The following TLK2 variants were observed in gnomAD, a reference collection of about 807,000 sequenced individuals.
TLK2 encodes the protein serine/threonine-protein kinase tousled-like 2.
Under a neutral mutation model 117.3 loss-of-function variants are expected in TLK2, and 6 were observed. The observed-to-expected ratio is 0.05, with a 90% CI of 0.03 to 0.10. The LOEUF (loss-of-function observed/expected upper bound fraction) is 0.10. TLK2 is among the 10% of genes least tolerant of loss of function. The pLI, the probability that TLK2 is intolerant of heterozygous loss-of-function variation, is 1.00. For missense variants in TLK2, 299 were observed against 901.2 expected (o/e 0.33, Z 8.56); for synonymous variants, 257 against 316.7 (o/e 0.81, Z 2.00).
At chr17:62,603,479 C>G (rs902340535) in intron 19 of TLK2, among the ~76,000 whole-genome samples, 5 of 151,826 alleles carry the variant, frequency 3.3e-5, no homozygotes, top group Non-Finnish European at 4.4e-5. Flanking sequence ...GTCTATACCT[C>G]TGCTATATAA....
intron 4 of TLK2, 70 bp from the exon 5 acceptor site, chr17:62,523,064 A>G: frequency 1.4e-6 from 2 of 1,421,726 alleles, no homozygotes; most frequent in Non-Finnish European, 1.9e-6. Context: ...CTGAATGTAT[A>G]GTACATTTTA....
intron 7 of TLK2, among the ~76,000 whole-genome samples, chr17:62,542,777 A>G (rs1399385524): frequency 6.6e-6 from 1 of 152,170 alleles, no homozygotes; most frequent in Non-Finnish European, 1.5e-5. Flanking sequence ...GTTTCCTTAA[A>G]ACTTGTGTCT....
At chr17:62,545,408 T>G (rs2077831784) in intron 7 of TLK2, among the ~76,000 whole-genome samples, 1 of 152,180 alleles carries the variant, frequency 6.6e-6, no homozygotes, top group Non-Finnish European at 1.5e-5. Flanking sequence ...GGGACATCCT[T>G]GTCTTTCTTG....
At position 62,527,844 on chromosome 17, in the gene TLK2, G is replaced by A. The variant is rs573576338; in HGVS notation, c.363+3513G>A. On this transcript the variant is annotated intron_variant, in intron 6 of 21. Transcript: ENST00000346027. ...CGCAACCTCCGCCTTCCAGTTTCAA[G>A]CGATTCTCCTGCCTCAGCCTCCCAA... Among the ~76,000 whole-genome samples the A allele has an allele frequency of 1.1e-3, 173 of 152,072 alleles. 1 individual carries two copies. The highest frequency in any genetic ancestry group is 2.8e-4 in the Non-Finnish European group (19 of 68,000).
At chr17:62,503,415 C>CTTT (rs35652112) in intron 2 of TLK2, among the ~76,000 whole-genome samples, 1 of 94,018 alleles carries the variant, frequency 1.1e-5, no homozygotes, top group African/African-American at 3.7e-5. Flanking sequence ...TTAGTTATAA[C>CTTT]TTTTTTTTTT....
At chr17:62,583,284 G>GGGA (rs1292548388) in intron 15 of TLK2, among the ~76,000 whole-genome samples, 14 of 151,896 alleles carry the variant, frequency 9.2e-5, no homozygotes, top group African/African-American at 3.1e-4. Context: ...TAGTAGAGAC[G>GGGA]GGATTTCACT....
chr17:62,503,120 C>T (rs1399964896), intron 2 of TLK2, among the ~76,000 whole-genome samples: 6 of 137,314 alleles, frequency 4.4e-5, no homozygotes, highest in East Asian at 4.3e-4. Flanking sequence ...AGTGCAGTGG[C>T]GCGATCTTGG....
intron 7 of TLK2, among the ~76,000 whole-genome samples, chr17:62,538,278 G>A (rs1039505180): frequency 5.9e-5 from 9 of 151,464 alleles, no homozygotes; most frequent in South Asian, 2.1e-4. Flanking sequence ...CTCGTGATCC[G>A]CCCGCCTCAG....
At position 62,498,996 on chromosome 17, in the gene TLK2, T is replaced by TG. The variant is rs370175885; in HGVS notation, c.81+17793dup. On this transcript the variant is annotated intron_variant, in intron 2 of 21. Coordinates refer to ENST00000346027, the MANE Select transcript of TLK2 (RefSeq NM_006852.6). ...TCCCACCTCAGCCTCCCTGAGTAGC[T>TG]GGGACCACAGGCATGTGCCACTGTC... Among the ~76,000 whole-genome samples the TG allele has an allele frequency of 5.7e-3, 872 of 152,108 alleles. 8 individuals are homozygous for TG. The highest frequency in any genetic ancestry group is 0.02 in the African/African-American group (831 of 41,516).
chr17:62,523,201 CAAACAAACA>C (rs1400610031), intron 5 of TLK2, 24 bp downstream of exon 5: 1 of 1,589,968 alleles, frequency 6.3e-7, no homozygotes, highest in African/African-American at 1.4e-5. Flanking sequence ...TTTGAAAAAA[CAAACAAACA>C]AAACAAAACA....
At chr17:62,552,145 T>C (rs2078514262) in intron 7 of TLK2, 157 bp from the exon 8 acceptor site, 2 of 892,160 alleles carry the variant, frequency 2.2e-6, no homozygotes, top group East Asian at 2.7e-5. Flanking sequence ...TTGAATTGTT[T>C]TACTTTCTTC....
chr17:62,573,972 A>G (rs919791083), intron 12 of TLK2, among the ~76,000 whole-genome samples: 1 of 152,224 alleles, frequency 6.6e-6, no homozygotes, highest in African/African-American at 2.4e-5. Flanking sequence ...TACCATATAT[A>G]GGAGGAGTAG....
Position 62,601,504 on chromosome 17 carries a change from C to A in TLK2, c.1721-538C>A, listed in dbSNP as rs182421283. 6.6e-5 allele frequency among the ~76,000 whole-genome samples: 10 copies of A among 152,314 alleles called. No homozygotes were observed. The South Asian group carries it at 1.9e-3, about 28-fold the overall frequency. On this transcript the variant is annotated intron_variant, in intron 18 of 21. Transcript: ENST00000346027. ...TTGACTATTCTCTAATGTTCTAATA[C>A]AATTCAGATGACTAAAACATTAATT...
intron 9 of TLK2, among the ~76,000 whole-genome samples, chr17:62,557,707 A>G (rs2078962090): frequency 6.6e-6 from 1 of 152,210 alleles, no homozygotes; most frequent in Non-Finnish European, 1.5e-5. Flanking sequence ...TGTACAGAGA[A>G]GCTCTGCTGT....
intron 2 of TLK2, among the ~76,000 whole-genome samples, chr17:62,496,864 G>A (rs35842497): frequency 1.3e-5 from 2 of 151,522 alleles, no homozygotes; most frequent in Admixed American, 6.6e-5. Flanking sequence ...GGCTGAGGCA[G>A]GAGAATGGTG....
rs193134639 is a variant in TLK2, at chr17:62,486,041, C to T, written c.81+4835C>T. On this transcript the variant is annotated intron_variant, in intron 2 of 21. Transcript: ENST00000346027. The stretch of plus-strand genomic sequence containing the variant: ...TTCACCGTGTTAGCCAGGATGGTCT[C>T]GATCTCCTGACCTCGTGATCTGCCC... Among the ~76,000 whole-genome samples the T allele has an allele frequency of 5.7e-3, 866 of 152,020 alleles. 7 individuals carry two copies. The highest frequency in any genetic ancestry group is 0.02 in the African/African-American group (819 of 41,470).
At chr17:62,540,521 C>T (rs916331129) in intron 7 of TLK2, among the ~76,000 whole-genome samples, 1 of 147,850 alleles carries the variant, frequency 6.8e-6, no homozygotes, top group African/African-American at 2.5e-5. Context: ...GCCTCAGCCT[C>T]CCAAGTAACT....
At chr17:62,530,221 C>T (rs893332982) in intron 6 of TLK2, among the ~76,000 whole-genome samples, 1 of 152,098 alleles carries the variant, frequency 6.6e-6, no homozygotes, top group Non-Finnish European at 1.5e-5. Flanking sequence ...TTGCAGTGAA[C>T]CGAGATCACA....
At chr17:62,583,098 T>C (rs1480433526) in intron 15 of TLK2, among the ~76,000 whole-genome samples, 1 of 152,092 alleles carries the variant, frequency 6.6e-6, no homozygotes, top group Non-Finnish European at 1.5e-5. Flanking sequence ...GTTTTGTTTG[T>C]TTGTTTGTTT....
Sources: allele counts gnomAD v4.1 joint callset (sites outside exome capture counted in the v4.1 genomes callset), GRCh38; gene constraint gnomAD v4.1.1; transcripts MANE v1.5; gene names NCBI Gene and HGNC (gene_info 2026-07-23, HGNC 2026-07-21).